The following UBE2E2 variants were observed in gnomAD, a reference collection of about 807,000 sequenced individuals.
UBE2E2 encodes ubiquitin-conjugating enzyme E2 E2.
UBE2E2 carries 6 observed loss-of-function variants against 24.7 expected under a neutral mutation model. The ratio of observed to expected loss-of-function variants is 0.24; its 90% CI spans 0.13 to 0.48. The LOEUF (loss-of-function observed/expected upper bound fraction) is 0.48. Among genes scored for constraint, UBE2E2 ranks in the 20% least tolerant of loss-of-function variants. The probability of loss-of-function intolerance (pLI) is 0.99; values close to 1 mark genes in which losing one functional copy is unlikely to be tolerated. For missense variants in UBE2E2, 169 were observed against 245.0 expected, an observed-to-expected ratio of 0.69 and a Z score of 2.07; for synonymous variants, 104 against 83.6, an observed-to-expected ratio of 1.24 and a Z score of -1.33.
chr3:23,457,432 A>C (rs1698852545), intron 3 of UBE2E2, among the ~76,000 whole-genome samples: 1 of 152,218 alleles, frequency 6.6e-6, no homozygotes, highest in African/African-American at 2.4e-5. Flanking sequence ...CTGAAAATCT[A>C]GACTTAAATA....
intron 3 of UBE2E2, among the ~76,000 whole-genome samples, chr3:23,402,748 T>A (rs1283641097): frequency 1.3e-5 from 2 of 151,794 alleles, no homozygotes; most frequent in Non-Finnish European, 2.9e-5. Flanking sequence ...TAGTACAAAG[T>A]CTCATTTTTA....
chr3:23,211,883 A>G (rs960101339), intron 2 of UBE2E2, among the ~76,000 whole-genome samples: 4 of 152,182 alleles, frequency 2.6e-5, no homozygotes, highest in South Asian at 2.1e-4. Flanking sequence ...GTTAAAATCT[A>G]CGGTCATATT....
intron 3 of UBE2E2, among the ~76,000 whole-genome samples, chr3:23,323,856 T>C (rs1694813157): frequency 6.6e-6 from 1 of 152,162 alleles, no homozygotes. Flanking sequence ...CTTGCCTCAC[T>C]TGGTACAAGT....
chr3:23,558,352 C>A (rs1414256578), intron 5 of UBE2E2, among the ~76,000 whole-genome samples: 1 of 152,314 alleles, frequency 6.6e-6, no homozygotes, highest in Non-Finnish European at 1.5e-5. Context: ...TCCTCCTTCT[C>A]TGCCCCTCAG....
chr3:23,578,923 CTTAAAA>C (rs1696405140), intron 5 of UBE2E2, among the ~76,000 whole-genome samples: 1 of 152,046 alleles, frequency 6.6e-6, no homozygotes, highest in Non-Finnish European at 1.5e-5. Flanking sequence ...TACCCCTGAA[CTTAAAA>C]GTTAAAAAAA....
At chr3:23,532,458 C>A in intron 4 of UBE2E2, 96 bp from the exon 5 acceptor site, 1 of 1,142,920 alleles carries the variant, frequency 8.7e-7, no homozygotes. Flanking sequence ...GCTATTTTGT[C>A]TGATAAAATA....
chr3:23,532,625 G>A lies in UBE2E2; in HGVS notation c.432G>A (p.Lys144=). ...GTGTGATCTGTCTGGACATCTTAAA[G>A]GACAACTGGAGTCCGGCTTTAACTA... is the stretch of plus-strand genomic sequence containing the variant. ...SQGVICLDIL[K]DNWSPALTIS... Residue 144 remains lysine, a synonymous_variant, in exon 5 of 6, where the codon AAG becomes AAA. Transcript: ENST00000396703. 1.3e-6 allele frequency: 2 copies of A among 1,578,430 alleles called. No individual in the cohort carries two copies. Among genetic ancestry groups the A allele is most frequent in the Non-Finnish European group, 1.7e-6 (2 of 1,155,196 alleles).
chr3:23,492,321 A>G (rs1027817365), intron 3 of UBE2E2, among the ~76,000 whole-genome samples: 5 of 152,228 alleles, frequency 3.3e-5, no homozygotes, highest in African/African-American at 1.2e-4. Context: ...TCTGCTTATA[A>G]GCAAGGATTG....
chr3:23,377,550 C>G (rs1037392264), intron 3 of UBE2E2, among the ~76,000 whole-genome samples: 2 of 152,158 alleles, frequency 1.3e-5, no homozygotes, highest in African/African-American at 4.8e-5. Context: ...CAGTGGTCTG[C>G]TTATCTATGA....
At chr3:23,333,333 T>G (rs1205957546) in intron 3 of UBE2E2, among the ~76,000 whole-genome samples, 1 of 152,226 alleles carries the variant, frequency 6.6e-6, no homozygotes, top group Admixed American at 6.5e-5. Flanking sequence ...TATAAAAGAC[T>G]GAGAGAATAA....
chr3:23,513,814 T>C (rs1694665706), intron 4 of UBE2E2, among the ~76,000 whole-genome samples: 1 of 152,262 alleles, frequency 6.6e-6, no homozygotes, highest in Non-Finnish European at 1.5e-5. Flanking sequence ...CCTTTTCATG[T>C]GTCCAGAATT....
At chr3:23,223,428 A>T (rs1486445131) in intron 3 of UBE2E2, among the ~76,000 whole-genome samples, 1 of 151,998 alleles carries the variant, frequency 6.6e-6, no homozygotes, top group African/African-American at 2.4e-5. Flanking sequence ...CCTGACCTCA[A>T]GTGATCCTCC....
chr3:23,226,459 C>T (rs1378092236), intron 3 of UBE2E2, among the ~76,000 whole-genome samples: 1 of 151,914 alleles, frequency 6.6e-6, no homozygotes, highest in East Asian at 1.9e-4. Context: ...TTCTGAAACT[C>T]CTAACATTAA....
At chr3:23,451,882 A>T (rs1231686490) in intron 3 of UBE2E2, among the ~76,000 whole-genome samples, 1 of 152,168 alleles carries the variant, frequency 6.6e-6, no homozygotes, top group Non-Finnish European at 1.5e-5. Context: ...GGTAAGAGGG[A>T]TGGATGTTGT....
intron 5 of UBE2E2, among the ~76,000 whole-genome samples, chr3:23,570,345 G>GC (rs1160089330): frequency 6.6e-6 from 1 of 152,098 alleles, no homozygotes; most frequent in Non-Finnish European, 1.5e-5. Context: ...AGAGTTCACT[G>GC]CCCAGTTCCC....
At chr3:23,249,850 G>A (rs1697525978) in intron 3 of UBE2E2, among the ~76,000 whole-genome samples, 1 of 152,110 alleles carries the variant, frequency 6.6e-6, no homozygotes, top group African/African-American at 2.4e-5. Context: ...TAGAGATGGG[G>A]TTTCACTGTG....
At chr3:23,514,109 T>TAGGCAAATGTA (rs1299344099) in intron 4 of UBE2E2, among the ~76,000 whole-genome samples, 2 of 152,196 alleles carry the variant, frequency 1.3e-5, no homozygotes, top group Non-Finnish European at 2.9e-5. Flanking sequence ...CTCCTAGGCC[T>TAGGCAAATGTA]CCTTTTTGAC....
At chr3:23,355,795 AAGG>A (rs1210583200) in intron 3 of UBE2E2, among the ~76,000 whole-genome samples, 1 of 152,208 alleles carries the variant, frequency 6.6e-6, no homozygotes, top group Non-Finnish European at 1.5e-5. Context: ...ACAGTTATTA[AAGG>A]AGAAGAACTA....
chr3:23,572,772 A>G lies in UBE2E2; in HGVS notation c.509-16962A>G, dbSNP rs142633824. 1.1e-3 allele frequency among the ~76,000 whole-genome samples: 174 copies of G among 152,218 alleles called. 1 individual carries two copies. The highest frequency in any genetic ancestry group is 2.0e-3 in the Non-Finnish European group (137 of 67,998). ...GCTGTATATGTACCACATTTTCTTT[A>G]TCCAGTCCACTGTTGATGGGCACCT... On this transcript the variant is annotated intron_variant, in intron 5 of 5. Transcript: ENST00000396703.
Sources: gnomAD v4.1 joint callset for allele counts (sites outside exome capture counted in the v4.1 genomes callset) on GRCh38, gnomAD v4.1.1 for gene constraint, MANE v1.5 for transcripts, NCBI Gene and HGNC (gene_info 2026-07-23, HGNC 2026-07-21) for gene names.